ALAS1: variants seen among roughly 807,000 people sequenced by gnomAD.
ALAS1 encodes 5-aminolevulinate synthase, non-specific, mitochondrial.
ALAS1 carries 29 observed loss-of-function variants against 59.6 expected under a neutral mutation model. The ratio of observed to expected loss-of-function variants is 0.49; its 90% confidence interval spans 0.36 to 0.66. The LOEUF (loss-of-function observed/expected upper bound fraction) is 0.66, where lower values mean the gene tolerates loss of function less well. ALAS1 is among the 30% of genes least tolerant of loss of function. ALAS1 has a pLI of 0.00. For synonymous variants in ALAS1, 299 were observed against 296.6 expected (o/e 1.01, Z -0.08); for missense variants, 690 against 807.5 (o/e 0.85, Z 1.76).
chr3:52,205,537 T>C (rs1453282021), intron 6 of ALAS1, among the ~76,000 whole-genome samples: 1 of 152,220 alleles, frequency 6.6e-6, no homozygotes, highest in African/African-American at 2.4e-5. Flanking sequence ...AAGAATAATG[T>C]TTCTCAGAAA....
chr3:52,206,859 G>A (rs1313254577), intron 8 of ALAS1, 108 bp downstream of exon 8: 22 of 1,204,632 alleles, frequency 1.8e-5, no homozygotes, highest in Non-Finnish European at 2.3e-5. Flanking sequence ...TTTTGTGACC[G>A]ATCCTCGCTC....
Position 52,212,236 on chromosome 3 carries a change from C to T in ALAS1, c.1600-22C>T, listed in dbSNP as rs779530454. 1.6e-5 allele frequency: 25 copies of T among 1,608,848 alleles called. No individual in the cohort carries two copies. In the African/African-American group the frequency reaches 2.8e-4, roughly 18 times the overall value. ...GTAGTCCTTCCTGTTGTGACCTTAC[C>T]TTCTGCTCTCATTGAACTTAGGTTG... On this transcript the variant is annotated intron_variant, in intron 10 of 11. Coordinates refer to ENST00000484952, the MANE Select transcript of ALAS1 (RefSeq NM_000688.6).
rs1699280379 is a variant in ALAS1 at position 52,205,822 on chromosome 3, T to G, written c.801-17T>G. 2 of 1,593,088 alleles carry G rather than the reference T, an allele frequency of 1.3e-6. No individual in the cohort carries two copies. The highest frequency in any genetic ancestry group is 1.7e-6 in the Non-Finnish European group (2 of 1,167,742). On this transcript the variant is annotated splice_polypyrimidine_tract_variant and intron_variant, in intron 6 of 11. Transcript: ENST00000484952. ...CCATGAGCTTTATTTTCTGGTTTTG[T>G]TTGTATTTTTAAACAGGGACACTTT... is the stretch of plus-strand genomic sequence containing the variant.
At chr3:52,209,225 C>G (rs376130034) in intron 9 of ALAS1, among the ~76,000 whole-genome samples, 2 of 151,536 alleles carry the variant, frequency 1.3e-5, no homozygotes, top group Non-Finnish European at 2.9e-5. Context: ...CTTTTTTTTC[C>G]GAGATGGAGT....
At chr3:52,203,203 C>G (rs549350466) in intron 4 of ALAS1, among the ~76,000 whole-genome samples, 4 of 152,272 alleles carry the variant, frequency 2.6e-5, no homozygotes, top group African/African-American at 9.6e-5. Flanking sequence ...AAAGCCTAAC[C>G]AGCAGAAATT....
At chr3:52,202,982 C>T (rs1559872371) in intron 4 of ALAS1, among the ~76,000 whole-genome samples, 2 of 152,096 alleles carry the variant, frequency 1.3e-5, no homozygotes, top group South Asian at 4.1e-4. Context: ...CTGAAAATAA[C>T]CTGCAGTCTT....
chr3:52,204,952 A>G (rs746524422), intron 6 of ALAS1, 37 bp downstream of exon 6: 1 of 1,560,932 alleles, frequency 6.4e-7, no homozygotes, highest in Non-Finnish European at 8.8e-7. Context: ...TACTGTTGTT[A>G]TTTGGCAAGC....
Position 52,202,616 on chromosome 3 carries a change from C to T in ALAS1, c.309C>T (p.Gly103=). The change falls in exon 4 of 12, where the codon GGC becomes GGT. Residue 103 remains glycine (G), a synonymous_variant. Coordinates refer to ENST00000484952, the MANE Select transcript of ALAS1 (RefSeq NM_000688.6). ...SGHPLPATSQ[G]TASKCPFLAA... ...ACCCCTTGCCTGCCACAAGCCAGGG[C>T]ACTGCAAGCAAATGCCCTTTCCTGG... is the stretch of plus-strand genomic sequence containing the variant. 1 of 1,614,162 alleles carries T rather than the reference C, an allele frequency of 6.2e-7. No homozygotes were observed. Among genetic ancestry groups the T allele is most frequent in the Non-Finnish European group, 8.5e-7 (1 of 1,180,026 alleles).
chr3:52,198,959 C>T (rs970828418), intron 2 of ALAS1, 111 bp downstream of exon 2: 2 of 997,406 alleles, frequency 2.0e-6, no homozygotes, highest in Admixed American at 2.5e-5. Flanking sequence ...TATGTACTGT[C>T]AGTATTCATT....
At chr3:52,202,945 C>G (rs780125536) in intron 4 of ALAS1, among the ~76,000 whole-genome samples, 1 of 152,140 alleles carries the variant, frequency 6.6e-6, no homozygotes, top group Non-Finnish European at 1.5e-5. Context: ...TGGGATGTGA[C>G]CAGCTTTTAT....
At chr3:52,202,392 G>A (rs748706920) in intron 3 of ALAS1, 115 bp from the exon 4 acceptor site, 6 of 822,418 alleles carry the variant, frequency 7.3e-6, no homozygotes, top group Non-Finnish European at 1.2e-5. Flanking sequence ...TCTGGATGGT[G>A]GGGTACAGTA....
intron 3 of ALAS1, among the ~76,000 whole-genome samples, chr3:52,199,962 C>G (rs1335075283): frequency 6.6e-6 from 1 of 152,168 alleles, no homozygotes; most frequent in East Asian, 1.9e-4. Flanking sequence ...TCTGGAATTA[C>G]AGGCATGCAC....
intron 3 of ALAS1, among the ~76,000 whole-genome samples, chr3:52,200,491 G>A (rs1415921681): frequency 1.2e-4 from 19 of 152,072 alleles, no homozygotes; most frequent in East Asian, 3.8e-4. Context: ...TAATCCCAGC[G>A]CTTTGGGAGG....
chr3:52,206,489 C>G (rs1047806259), intron 7 of ALAS1, 83 bp from the exon 8 acceptor site: 76 of 1,468,394 alleles, frequency 5.2e-5, no homozygotes, highest in Non-Finnish European at 6.5e-5. Flanking sequence ...AGCATCATTT[C>G]CAAGGAAAAG....
intron 3 of ALAS1, among the ~76,000 whole-genome samples, chr3:52,201,030 C>T (rs181728263): frequency 6.6e-6 from 1 of 152,078 alleles, no homozygotes; most frequent in East Asian, 1.9e-4. Context: ...ATATGTATTA[C>T]TTTTATAATA....
At chr3:52,202,265 A>G (rs1385008625) in intron 3 of ALAS1, among the ~76,000 whole-genome samples, 4 of 152,088 alleles carry the variant, frequency 2.6e-5, no homozygotes, top group African/African-American at 9.7e-5. Context: ...CATGAGAATC[A>G]CTTGAACCCA....
chr3:52,202,965 T>C (rs1699218388), intron 4 of ALAS1, among the ~76,000 whole-genome samples: 1 of 152,218 alleles, frequency 6.6e-6, no homozygotes, highest in South Asian at 2.1e-4. Context: ...TAGTTACTAC[T>C]TAATTTCTGA....
At chr3:52,198,956 T>G (rs1463247200) in intron 2 of ALAS1, 108 bp downstream of exon 2, 34 of 1,115,252 alleles carry the variant, frequency 3.0e-5, no homozygotes, top group Non-Finnish European at 4.3e-5. Flanking sequence ...GATTATGTAC[T>G]GTCAGTATTC....
At position 52,198,841 on chromosome 3, in the gene ALAS1, A is replaced by G. The variant is rs531742452; in HGVS notation, c.-40A>G. ...TGGATGGATGAGTGGCTTCTTCTCC[A>G]CCTAGATGTAAGCCAAGATGTCTTA... is the stretch of plus-strand genomic sequence containing the variant. On this transcript the variant is annotated 5_prime_UTR_variant, in exon 2 of 12. Transcript: ENST00000484952. 140 of 1,535,586 alleles carry G rather than the reference A, an allele frequency of 9.1e-5. No individual in the cohort carries two copies. The South Asian group carries it at 1.6e-3, about 18-fold the overall frequency.
Sources: gnomAD v4.1 joint callset for allele counts (sites outside exome capture counted in the v4.1 genomes callset) on GRCh38, gnomAD v4.1.1 for gene constraint, MANE v1.5 for transcripts, NCBI Gene and HGNC (gene_info 2026-07-23, HGNC 2026-07-21) for gene names.